Variants in PBLD observed in about 807,000 individuals in gnomAD.
PBLD encodes phenazine biosynthesis like protein domain containing.
A neutral mutation model predicts 31.3 loss-of-function variants in PBLD; 26 were observed. The observed-to-expected ratio is 0.83, with a 90% CI of 0.61 to 1.15. The LOEUF (loss-of-function observed/expected upper bound fraction) is 1.15, where lower values mean the gene tolerates loss of function less well. Among genes scored for constraint, PBLD ranks in the 50% most tolerant of loss-of-function variants. PBLD has a pLI of 0.00. For synonymous variants in PBLD, 114 were observed against 129.0 expected, an observed-to-expected ratio of 0.88 and a Z score of 0.79; for missense variants, 307 against 351.7, an observed-to-expected ratio of 0.87 and a Z score of 1.02.
At chr10:68,331,617 A>C (rs1216908380) in intron 1 of PBLD, 1 of 152,160 alleles carries the variant, frequency 6.6e-6, no homozygotes, top group Non-Finnish European at 1.5e-5. Flanking sequence ...GGACCAGAAA[A>C]TCCGCCCCGC....
intron 2 of PBLD, chr10:68,297,223 C>T (rs942476474): frequency 2.0e-6 from 1 of 507,640 alleles, no homozygotes; most frequent in African/African-American, 1.9e-5. Context: ...CTGTGAAAAA[C>T]TGGCTGGCCT....
chr10:68,283,452 C>G lies in PBLD; in HGVS notation c.*725G>C, dbSNP rs1008144519. Reference sequence around the variant, plus strand: ...CTAACACTTTATGGCCTACTGTCCTCTTTCTTAGTATTATATTATAAAATA... The same window carrying G: ...CTAACACTTTATGGCCTACTGTCCTGTTTCTTAGTATTATATTATAAAATA... On this transcript the variant is annotated 3_prime_UTR_variant, in exon 10 of 10. Coordinates refer to ENST00000358769, the MANE Select transcript of PBLD (RefSeq NM_022129.4). 2.0e-5 allele frequency: 3 copies of G among 152,122 alleles called. No individual in the cohort carries two copies. Among genetic ancestry groups the G allele is most frequent in the Admixed American group, 6.6e-5 (1 of 15,264 alleles). The allele number at this position is 152,122 out of a possible 1,614,324, so 9.4% of individuals were successfully genotyped here. A position where few individuals can be genotyped will look rare whatever the true frequency, so the allele number is the denominator to read the frequency against.
At position 68,315,462 on chromosome 10, in the gene PBLD, G is replaced by A. The variant is rs185991240; in HGVS notation, c.-59-8559C>T. Among the ~76,000 whole-genome samples, 853 of 151,932 alleles carry A rather than the reference G, an allele frequency of 5.6e-3. 10 individuals are homozygous for A. Among genetic ancestry groups the A allele is most frequent in the African/African-American group, 0.02 (811 of 41,420 alleles). The stretch of plus-strand genomic sequence containing the variant: ...CAGCTGAGCATGGTGGTGTGTGCCT[G>A]TTATCCCAGCTACTCAGGAGGCTGA... On this transcript the variant is annotated intron_variant, in intron 1 of 9. Coordinates refer to ENST00000358769, the MANE Select transcript of PBLD (RefSeq NM_022129.4).
Position 68,312,642 on chromosome 10 carries a change from C to T in PBLD, c.-59-5739G>A, listed in dbSNP as rs150093225. Reference sequence around the variant, plus strand: ...TTTTTTTTTTTGAGACAGAGTCTTGCTCTGTCTCCCAGACTGGAGTGCAGT... The same window carrying T: ...TTTTTTTTTTTGAGACAGAGTCTTGTTCTGTCTCCCAGACTGGAGTGCAGT... On this transcript the variant is annotated intron_variant, in intron 1 of 9. Coordinates refer to ENST00000358769, the MANE Select transcript of PBLD (RefSeq NM_022129.4). Among the ~76,000 whole-genome samples the T allele has an allele frequency of 2.3e-3, 265 of 116,070 alleles. 4 individuals carry two copies. Among genetic ancestry groups the T allele is most frequent in the African/African-American group, 8.1e-3 (246 of 30,200 alleles). The allele number at this position is 116,070 out of a possible 152,430, so 76.1% of individuals were successfully genotyped here.
In PBLD at chr10:68,288,510, C is replaced by T; in HGVS notation, c.664G>A (p.Val222Ile). ...GTCACTGGGTCTTCAGCCACACCAA[C>T]CCACGGTGCAAAATATCTTGAGTAA... ...DFYSRYFAPW[V>I]GVAEDPVTGS... is the part of the protein sequence containing the mutation. The change falls in exon 8 of 10, where the codon GTT (valine) becomes ATT (isoleucine). Residue 222 changes from valine (V) to isoleucine (I), a missense_variant. By Grantham distance (29) the Val-to-Ile change is conservative. Transcript: ENST00000358769. 1 of 1,614,160 alleles carries T rather than the reference C, an allele frequency of 6.2e-7. No individual in the cohort carries two copies. The highest frequency in any genetic ancestry group is 1.7e-5 in the Admixed American group (1 of 60,014).
At chr10:68,300,279 A>G (rs946734350) in intron 2 of PBLD, among the ~76,000 whole-genome samples, 10 of 152,166 alleles carry the variant, frequency 6.6e-5, no homozygotes, top group Non-Finnish European at 1.2e-4. Context: ...TACTTGATAC[A>G]TGTTAGCTTT....
At chr10:68,307,498 T>C (rs1171210244) in intron 1 of PBLD, among the ~76,000 whole-genome samples, 1 of 151,932 alleles carries the variant, frequency 6.6e-6, no homozygotes, top group Admixed American at 6.6e-5. Context: ...GTTTTTTGTT[T>C]TGTTTTGTTT....
At chr10:68,318,964 C>G (rs1316626310) in intron 1 of PBLD, among the ~76,000 whole-genome samples, 1 of 144,596 alleles carries the variant, frequency 6.9e-6, no homozygotes, top group Non-Finnish European at 1.5e-5. Context: ...AGAAGAAAGG[C>G]AGGCAGGCAA....
At chr10:68,293,135 C>T (rs2044381533) in intron 4 of PBLD, among the ~76,000 whole-genome samples, 1 of 152,228 alleles carries the variant, frequency 6.6e-6, no homozygotes. Flanking sequence ...GTTGGGATTA[C>T]AGGCATGAAC....
intron 8 of PBLD, chr10:68,286,909 C>G (rs1257658205): frequency 8.4e-6 from 1 of 118,460 alleles, no homozygotes; most frequent in African/African-American, 3.0e-5. Flanking sequence ...AGGTGGATCA[C>G]CTGAGGCTAG....
rs576254474 is a variant in PBLD, at chr10:68,311,739, G to A, written c.-59-4836C>T. ...TGCACTCCCACCTGGGTGGCAGAGC[G>A]AGACCCTGCCTCAAAAAAAAAAAAA... On this transcript the variant is annotated intron_variant, in intron 1 of 9. Coordinates refer to ENST00000358769, the MANE Select transcript of PBLD (RefSeq NM_022129.4). 1.8e-4 allele frequency among the ~76,000 whole-genome samples: 23 copies of A among 129,780 alleles called. No homozygotes were observed. In the South Asian group the frequency reaches 2.2e-3, roughly 12 times the overall value. 85.1% of individuals were successfully genotyped at this position (129,780 alleles called of 152,430 possible).
intron 1 of PBLD, among the ~76,000 whole-genome samples, chr10:68,326,207 T>C (rs1016706141): frequency 6.6e-6 from 1 of 152,128 alleles, no homozygotes; most frequent in Non-Finnish European, 1.5e-5. Context: ...CGGTTAATTA[T>C]TTTTGTATTT....
intron 1 of PBLD, among the ~76,000 whole-genome samples, chr10:68,320,780 A>G (rs1490589729): frequency 6.6e-6 from 1 of 150,712 alleles, no homozygotes; most frequent in Non-Finnish European, 1.5e-5. Context: ...AGGCCTCCCA[A>G]ACTGCTAGGA....
chr10:68,314,579 C>T (rs1344617784), intron 1 of PBLD, among the ~76,000 whole-genome samples: 1 of 151,692 alleles, frequency 6.6e-6, no homozygotes, highest in African/African-American at 2.4e-5. Flanking sequence ...CCTGGAAGAC[C>T]CCCACTAACA....
intron 1 of PBLD, among the ~76,000 whole-genome samples, chr10:68,330,235 C>T (rs2045003544): frequency 6.6e-6 from 1 of 152,032 alleles, no homozygotes; most frequent in South Asian, 2.1e-4. Context: ...TCGTCTTAAG[C>T]AGGTTTGAGG....
intron 1 of PBLD, among the ~76,000 whole-genome samples, chr10:68,322,573 A>C (rs1589674433): frequency 1.3e-5 from 2 of 150,890 alleles, no homozygotes; most frequent in Non-Finnish European, 3.0e-5. Context: ...CTAAGGCAGG[A>C]GGATTGCTTG....
At chr10:68,331,199 G>GTGTC (rs2045067381) in intron 1 of PBLD, 1 of 152,168 alleles carries the variant, frequency 6.6e-6, no homozygotes, top group Non-Finnish European at 1.5e-5. Context: ...GTGTCATTAG[G>GTGTC]AACCTTGGTG....
chr10:68,300,530 AG>A (rs2044491550), intron 2 of PBLD, among the ~76,000 whole-genome samples: 1 of 152,198 alleles, frequency 6.6e-6, no homozygotes, highest in Non-Finnish European at 1.5e-5. Flanking sequence ...GCAGAGTCCG[AG>A]GCCCCCTGTC....
At chr10:68,308,475 T>C (rs1357608578) in intron 1 of PBLD, among the ~76,000 whole-genome samples, 2 of 137,832 alleles carry the variant, frequency 1.5e-5, no homozygotes, top group African/African-American at 5.4e-5. Flanking sequence ...AGACAGTATA[T>C]GAGAGTGTCT....
Sources: allele counts gnomAD v4.1 joint callset (sites outside exome capture counted in the v4.1 genomes callset), GRCh38; gene constraint gnomAD v4.1.1; transcripts MANE v1.5; gene names NCBI Gene and HGNC (gene_info 2026-07-23, HGNC 2026-07-21).